SIK3: variants seen among roughly 807,000 people sequenced by gnomAD.
SIK3 encodes serine/threonine-protein kinase SIK3.
Under a neutral mutation model 144.2 loss-of-function variants are expected in SIK3, and 28 were observed. That is an observed-to-expected ratio of 0.19 (90% CI 0.14 to 0.27). The LOEUF (loss-of-function observed/expected upper bound fraction) is 0.27. SIK3 is among the 10% of genes least tolerant of loss of function. SIK3 has a pLI of 1.00. For synonymous variants in SIK3, 686 were observed against 676.3 expected, an observed-to-expected ratio of 1.01 and a Z score of -0.22; for missense variants, 1,319 against 1,776.0, an observed-to-expected ratio of 0.74 and a Z score of 4.62.
chr11:117,080,113 G>T (rs983393444), intron 1 of SIK3, among the ~76,000 whole-genome samples: 2 of 152,144 alleles, frequency 1.3e-5, no homozygotes, highest in East Asian at 1.9e-4. Flanking sequence ...CAACAGAAAA[G>T]TAGACAAAGC....
intron 1 of SIK3, among the ~76,000 whole-genome samples, chr11:117,067,517 G>A (rs1416381197): frequency 1.3e-5 from 2 of 152,140 alleles, no homozygotes; most frequent in African/African-American, 4.8e-5. Context: ...GGAAGTGGAG[G>A]AGGATGAGAA....
chr11:117,046,099 T>A (rs1198736256), intron 1 of SIK3, among the ~76,000 whole-genome samples: 1 of 152,236 alleles, frequency 6.6e-6, no homozygotes, highest in Admixed American at 6.5e-5. Context: ...TTCCTATCCA[T>A]CTGTCTTTCA....
intron 21 of SIK3, among the ~76,000 whole-genome samples, chr11:116,853,925 T>C (rs1037217836): frequency 2.6e-5 from 4 of 152,234 alleles, no homozygotes; most frequent in African/African-American, 9.6e-5. Context: ...CTGACACTTC[T>C]ACAAATTGGG....
chr11:116,901,301 G>A (rs145185570), intron 4 of SIK3, among the ~76,000 whole-genome samples: 31 of 152,286 alleles, frequency 2.0e-4, no homozygotes, highest in African/African-American at 6.7e-4. Context: ...AAAGGGTCAC[G>A]AAATTAAACT....
intron 1 of SIK3, among the ~76,000 whole-genome samples, chr11:116,963,314 CA>C (rs1305039421): frequency 2.0e-5 from 3 of 152,174 alleles, no homozygotes; most frequent in Non-Finnish European, 4.4e-5. Flanking sequence ...TGTTTGGTCT[CA>C]GGACTCCTTC....
chr11:116,917,804 G>A, intron 4 of SIK3, among the ~76,000 whole-genome samples: 1 of 78,982 alleles, frequency 1.3e-5, no homozygotes, highest in East Asian at 2.8e-4. Flanking sequence ...GGACAAGAGA[G>A]GAAGGAAAGA....
At chr11:116,947,531 A>G (rs113030965) in intron 3 of SIK3, among the ~76,000 whole-genome samples, 31,223 of 125,412 alleles carry the variant, frequency 0.25, 4,397 homozygotes, top group African/African-American at 0.37. Flanking sequence ...ATATATATAT[A>G]TATGTATGTA....
intron 4 of SIK3, among the ~76,000 whole-genome samples, chr11:116,902,660 T>C (rs2134846950): frequency 6.6e-6 from 1 of 152,340 alleles, no homozygotes; most frequent in Non-Finnish European, 1.5e-5. Context: ...TGGCTTGCTC[T>C]CATCTCCTAT....
chr11:117,013,528 G>A (rs535403617), intron 1 of SIK3, among the ~76,000 whole-genome samples: 122 of 152,090 alleles, frequency 8.0e-4, no homozygotes, highest in Middle Eastern at 3.4e-3. Flanking sequence ...ATCAATAAAC[G>A]AAGTGTATTT....
intron 3 of SIK3, among the ~76,000 whole-genome samples, chr11:116,932,034 T>C (rs1200176545): frequency 6.6e-6 from 1 of 152,192 alleles, no homozygotes; most frequent in Non-Finnish European, 1.5e-5. Context: ...CCAAAAACTT[T>C]TATGGCATCT....
At position 116,994,676 on chromosome 11, in the gene SIK3, G is replaced by A. The variant is rs558039712; in HGVS notation, c.274-37612C>T. On this transcript the variant is annotated intron_variant, in intron 1 of 24. Coordinates refer to ENST00000445177, the MANE Select transcript of SIK3 (RefSeq NM_001366686.3). ...ATATGTACTATAAGCCATCACTGTC[G>A]GACTAAACTGCGACAAACACTCCTG... is the stretch of plus-strand genomic sequence containing the variant. Among the ~76,000 whole-genome samples the A allele has an allele frequency of 3.9e-5, 6 of 152,108 alleles. 1 individual carries two copies. In the South Asian group the frequency reaches 1.0e-3, roughly 26 times the overall value.
chr11:116,861,401 AG>A lies in SIK3; in HGVS notation c.2316-19del. 1.3e-6 allele frequency: 2 copies of A among 1,540,618 alleles called. No individual in the cohort carries two copies. Among genetic ancestry groups the A allele is most frequent in the Non-Finnish European group, 1.8e-6 (2 of 1,121,074 alleles). On this transcript the variant is annotated intron_variant, in intron 18 of 24. Transcript: ENST00000445177. ...TCCTTAACCTTAAAAATAACAAAAG[AG>A]ATACACAAAGAAGCTTCCTAAGGTG...
intron 3 of SIK3, among the ~76,000 whole-genome samples, chr11:116,930,103 T>C (rs933430786): frequency 6.6e-6 from 1 of 152,086 alleles, no homozygotes; most frequent in South Asian, 2.1e-4. Context: ...TTTTAAAGTG[T>C]TCACATTAGA....
At chr11:117,094,247 T>C (rs969436798) in intron 1 of SIK3, among the ~76,000 whole-genome samples, 29 of 152,170 alleles carry the variant, frequency 1.9e-4, no homozygotes, top group African/African-American at 6.0e-4. Flanking sequence ...TATATATTTG[T>C]TGAAATATAG....
chr11:117,045,316 T>G (rs907849063), intron 1 of SIK3, among the ~76,000 whole-genome samples: 1 of 152,224 alleles, frequency 6.6e-6, no homozygotes, highest in Non-Finnish European at 1.5e-5. Flanking sequence ...TAGTTATTCT[T>G]GTACTACAAG....
At chr11:116,889,517 T>G (rs1048294781) in intron 6 of SIK3, among the ~76,000 whole-genome samples, 3 of 152,188 alleles carry the variant, frequency 2.0e-5, no homozygotes, top group Admixed American at 2.0e-4. Flanking sequence ...CAGTGAGCTA[T>G]GGTCATACCA....
intron 6 of SIK3, among the ~76,000 whole-genome samples, chr11:116,877,507 A>C (rs1306186285): frequency 6.6e-6 from 1 of 152,192 alleles, no homozygotes; most frequent in Non-Finnish European, 1.5e-5. Context: ...AACTCAGGGA[A>C]CTTGAATTTC....
intron 3 of SIK3, among the ~76,000 whole-genome samples, chr11:116,928,365 T>A (rs1053989732): frequency 6.6e-6 from 1 of 152,208 alleles, no homozygotes; most frequent in African/African-American, 2.4e-5. Context: ...TGTCTAATAG[T>A]CTCATGAGCA....
chr11:116,900,476 G>A (rs1247815448), intron 4 of SIK3, among the ~76,000 whole-genome samples: 1 of 151,938 alleles, frequency 6.6e-6, no homozygotes, highest in African/African-American at 2.4e-5. Context: ...TTACCTCCTC[G>A]CTCAAAAAAC....
Sources: gnomAD v4.1 joint callset for allele counts (sites outside exome capture counted in the v4.1 genomes callset) on GRCh38, gnomAD v4.1.1 for gene constraint, MANE v1.5 for transcripts, NCBI Gene and HGNC (gene_info 2026-07-23, HGNC 2026-07-21) for gene names.